Variants in TTLL5 observed in about 807,000 individuals in gnomAD.
TTLL5 encodes the protein tubulin polyglutamylase TTLL5.
A neutral mutation model predicts 168.4 loss-of-function variants in TTLL5; 132 were observed. That is an observed-to-expected ratio of 0.78 (90% CI 0.68 to 0.91). The LOEUF is 0.91. Ranked by LOEUF, TTLL5 falls within the 40% of genes least tolerant of loss-of-function variation. TTLL5 has a pLI of 0.00. For synonymous variants in TTLL5, 546 were observed against 558.6 expected (o/e 0.98, Z 0.32); for missense variants, 1,545 against 1,581.5 (o/e 0.98, Z 0.39).
At chr14:75,884,277 C>T (rs1229073566) in intron 30 of TTLL5, among the ~76,000 whole-genome samples, 2 of 152,202 alleles carry the variant, frequency 1.3e-5, no homozygotes, top group East Asian at 3.8e-4. Context: ...GTTGAATTTG[C>T]CAGTGTGCCC....
chr14:75,902,693 G>A (rs2032977757), intron 31 of TTLL5: 2 of 449,200 alleles, frequency 4.5e-6, no homozygotes, highest in South Asian at 3.2e-5. Flanking sequence ...TTGTGCTAAT[G>A]CCATGGTCTG....
chr14:75,806,241 G>A (rs987912370), intron 27 of TTLL5, among the ~76,000 whole-genome samples: 2 of 152,076 alleles, frequency 1.3e-5, no homozygotes, highest in African/African-American at 2.4e-5. Context: ...ATCTTGGCCA[G>A]AGTGGTTTCA....
At chr14:75,935,256 C>A (rs1445238124) in intron 31 of TTLL5, among the ~76,000 whole-genome samples, 1 of 152,228 alleles carries the variant, frequency 6.6e-6, no homozygotes, top group Non-Finnish European at 1.5e-5. Flanking sequence ...CTTCTTTTCA[C>A]CAACAGCCCT....
At chr14:75,662,381 A>G (rs1381541352) in intron 1 of TTLL5, among the ~76,000 whole-genome samples, 13 of 151,346 alleles carry the variant, frequency 8.6e-5, no homozygotes, top group South Asian at 4.2e-4. Flanking sequence ...CTGGAGTGCA[A>G]TGGCGCGATC....
At chr14:75,674,214 G>T (rs956172776) in intron 3 of TTLL5, among the ~76,000 whole-genome samples, 1 of 152,104 alleles carries the variant, frequency 6.6e-6, no homozygotes, top group Non-Finnish European at 1.5e-5. Context: ...TGAGTTTTCT[G>T]TATCTTTCCC....
At chr14:75,914,017 G>GAAAAAAAAAAAAAAAA (rs1201862659) in intron 31 of TTLL5, among the ~76,000 whole-genome samples, 1 of 31,052 alleles carries the variant, frequency 3.2e-5, no homozygotes, top group Admixed American at 5.5e-4. Context: ...TGTTTAAAAG[G>GAAAAAAAAAAAAAAAA]AAAAAAAAAA....
chr14:75,752,826 G>A, intron 17 of TTLL5, 67 bp from the exon 18 acceptor site: 1 of 1,433,650 alleles, frequency 7.0e-7, no homozygotes, highest in East Asian at 2.3e-5. Context: ...TTGATTCATG[G>A]TTGTATTTCT....
At chr14:75,892,465 AAAT>A (rs1432645298) in intron 30 of TTLL5, among the ~76,000 whole-genome samples, 2 of 152,244 alleles carry the variant, frequency 1.3e-5, no homozygotes, top group African/African-American at 4.8e-5. Flanking sequence ...CATTACTTGA[AAAT>A]AATTGATTTT....
At chr14:75,848,068 TAAA>T (rs930144050) in intron 28 of TTLL5, among the ~76,000 whole-genome samples, 1 of 151,384 alleles carries the variant, frequency 6.6e-6, no homozygotes. Context: ...GGAGAAGGTT[TAAA>T]AAAAAGGTGG....
intron 31 of TTLL5, among the ~76,000 whole-genome samples, chr14:75,930,045 T>G (rs1193495376): frequency 6.6e-6 from 1 of 152,250 alleles, no homozygotes; most frequent in African/African-American, 2.4e-5. Context: ...CAGTACAGAC[T>G]TGTAACTAGA....
chr14:75,708,457 C>A (rs143692447), intron 9 of TTLL5, among the ~76,000 whole-genome samples: 1 of 152,162 alleles, frequency 6.6e-6, no homozygotes, highest in African/African-American at 2.4e-5. Flanking sequence ...TCCTGAGTAG[C>A]TGGGACAACA....
chr14:75,715,264 CT>C lies in TTLL5; in HGVS notation c.741-2575del, dbSNP rs1201985101. 8.5e-3 allele frequency among the ~76,000 whole-genome samples: 1,117 copies of C among 130,944 alleles called. 19 individuals are homozygous for C. The highest frequency in any genetic ancestry group is 0.025 in the African/African-American group (856 of 34,524). The allele number at this position is 130,944 out of a possible 152,430, so 85.9% of individuals were successfully genotyped here. A position where few individuals can be genotyped will look rare whatever the true frequency, so the allele number is the denominator to read the frequency against. ...ACTTCCCACCCTACTCACCATCTTC[CT>C]TTTTTTTTTTTTTTTTTTTTTGTAA... On this transcript the variant is annotated intron_variant, in intron 9 of 31. Transcript: ENST00000298832.
chr14:75,855,750 C>T (rs1193599992), intron 28 of TTLL5, among the ~76,000 whole-genome samples: 2 of 152,140 alleles, frequency 1.3e-5, no homozygotes, highest in Non-Finnish European at 2.9e-5. Flanking sequence ...AGCTGCAGCC[C>T]ACGGAGGAGA....
intron 12 of TTLL5, among the ~76,000 whole-genome samples, chr14:75,729,967 T>C (rs1888428852): frequency 6.6e-6 from 1 of 152,238 alleles, no homozygotes; most frequent in Admixed American, 6.5e-5. Context: ...GTGGGTTTCA[T>C]TGATTGTTAA....
chr14:75,895,825 C>G (rs892774374), intron 30 of TTLL5, among the ~76,000 whole-genome samples: 1 of 152,146 alleles, frequency 6.6e-6, no homozygotes, highest in South Asian at 2.1e-4. Flanking sequence ...AAATCTACAA[C>G]AGTCAGGTGC....
At chr14:75,938,409 C>T (rs1199461365) in intron 31 of TTLL5, among the ~76,000 whole-genome samples, 1 of 152,218 alleles carries the variant, frequency 6.6e-6, no homozygotes, top group Non-Finnish European at 1.5e-5. Context: ...CCTTGAGAGA[C>T]ACCTGGATAT....
At chr14:75,805,682 A>G (rs1893613231) in intron 27 of TTLL5, among the ~76,000 whole-genome samples, 1 of 152,166 alleles carries the variant, frequency 6.6e-6, no homozygotes, top group South Asian at 2.1e-4. Context: ...TTTTGAACAT[A>G]TTTTGAAAAT....
At chr14:75,761,993 C>T (rs571805312) in intron 18 of TTLL5, among the ~76,000 whole-genome samples, 26 of 152,066 alleles carry the variant, frequency 1.7e-4, no homozygotes, top group Middle Eastern at 3.4e-3. Flanking sequence ...TGGATATATA[C>T]GTGACGAAAC....
rs1304496430 is a variant in TTLL5 at position 75,914,052 on chromosome 14, A to ATATATATATATATATATG, written c.3823+11831_3823+11832insATATATATATATATGTAT. Among the ~76,000 whole-genome samples, 7 of 122,372 alleles carry ATATATATATATATATATG rather than the reference A, an allele frequency of 5.7e-5. No individual in the cohort carries two copies. The East Asian group carries it at 1.8e-3, about 32-fold the overall frequency. 80.3% of individuals were successfully genotyped at this position (122,372 alleles called of 152,430 possible). ...AAAAAAAATATATATATATATATATATATTTTATCCCCTAAGGGCCCAGTT... is the reference window on the plus strand; with the variant it reads ...AAAAAAAATATATATATATATATATATATATATATATATATATGTATTTTATCCCCTAAGGGCCCAGTT... On this transcript the variant is annotated intron_variant, in intron 31 of 31. Transcript: ENST00000298832.
Sources: allele counts gnomAD v4.1 joint callset (sites outside exome capture counted in the v4.1 genomes callset), GRCh38; gene constraint gnomAD v4.1.1; transcripts MANE v1.5; gene names NCBI Gene and HGNC (gene_info 2026-07-23, HGNC 2026-07-21).